The following ASPSCR1 variants were observed in gnomAD, a reference collection of about 807,000 sequenced individuals.
ASPSCR1 encodes tether containing UBX domain for GLUT4.
ASPSCR1 carries 55 observed loss-of-function variants against 68.9 expected under a neutral mutation model. That is an observed-to-expected ratio of 0.80 (90% CI 0.64 to 1.00). The LOEUF is 1.00. Among genes scored for constraint, ASPSCR1 ranks in the 50% least tolerant of loss-of-function variants. ASPSCR1 has a pLI of 0.00. For synonymous variants in ASPSCR1, 352 were observed against 332.6 expected, an observed-to-expected ratio of 1.06 and a Z score of -0.63; for missense variants, 765 against 762.2, an observed-to-expected ratio of 1.00 and a Z score of -0.04.
At chr17:82,010,445 C>T (rs553677995) in intron 9 of ASPSCR1, among the ~76,000 whole-genome samples, 9 of 148,234 alleles carry the variant, frequency 6.1e-5, no homozygotes, top group Admixed American at 1.4e-4. Context: ...AGGAGAAAGG[C>T]GTGAACCCGG....
chr17:81,985,134 A>G (rs557144606), intron 3 of ASPSCR1, among the ~76,000 whole-genome samples: 7 of 142,806 alleles, frequency 4.9e-5, no homozygotes, highest in African/African-American at 1.8e-4. Flanking sequence ...ACATGCACAC[A>G]CACGCACATC....
rs74002715 is a variant in ASPSCR1, at chr17:81,987,217, C to T, written c.374+1610C>T. On this transcript the variant is annotated intron_variant, in intron 4 of 15. Transcript: ENST00000306739. The surrounding 1 kb of genome is among the most constrained non-coding windows in gnomAD (Gnocchi z 5.6). ...GAGATGACGGAGCCTGAGAGCAAAG[C>T]GAAGCCACGGGCAGGGGTGAGCGGG... Among the ~76,000 whole-genome samples the T allele has an allele frequency of 0.058, 8,566 of 148,280 alleles. 472 individuals carry two copies. The highest frequency in any genetic ancestry group is 0.13 in the South Asian group (588 of 4,550).
intron 2 of ASPSCR1, among the ~76,000 whole-genome samples, chr17:81,982,220 G>A (rs912450338): frequency 6.6e-6 from 1 of 152,058 alleles, no homozygotes; most frequent in African/African-American, 2.4e-5. Context: ...CTGCCCGTCT[G>A]GGCCTCCCAA....
At chr17:81,988,496 C>T (rs996874900) in intron 4 of ASPSCR1, among the ~76,000 whole-genome samples, 2 of 151,282 alleles carry the variant, frequency 1.3e-5, no homozygotes, top group African/African-American at 2.4e-5. Flanking sequence ...GCAGCTCTTT[C>T]GAGACACCAG....
intron 2 of ASPSCR1, among the ~76,000 whole-genome samples, chr17:81,979,486 T>C (rs965630349): frequency 5.3e-5 from 8 of 152,222 alleles, no homozygotes; most frequent in African/African-American, 1.7e-4. Flanking sequence ...CATTGCTCTC[T>C]GCCTCCGATT....
chr17:81,998,202 C>T (rs567110652), intron 7 of ASPSCR1, among the ~76,000 whole-genome samples: 1 of 152,292 alleles, frequency 6.6e-6, no homozygotes, highest in East Asian at 1.9e-4. Context: ...AATTCCTGGG[C>T]TCAAGCGATC....
chr17:81,980,576 C>G (rs1281674010), intron 2 of ASPSCR1, among the ~76,000 whole-genome samples: 1 of 152,200 alleles, frequency 6.6e-6, no homozygotes, highest in African/African-American at 2.4e-5. Flanking sequence ...GAAAGGAGGG[C>G]TTTATTTCTC....
intron 7 of ASPSCR1, chr17:82,006,593 A>AC: frequency 6.6e-6 from 1 of 151,960 alleles, no homozygotes; most frequent in East Asian, 1.9e-4. Flanking sequence ...AGGACGCCTC[A>AC]CCCCCGGTTG....
chr17:81,985,167 C>G (rs1334060358), intron 3 of ASPSCR1, among the ~76,000 whole-genome samples: 1 of 151,470 alleles, frequency 6.6e-6, no homozygotes, highest in Non-Finnish European at 1.5e-5. Flanking sequence ...CGCACACCTG[C>G]ACACACCCAC....
intron 12 of ASPSCR1, chr17:82,016,223 G>A (rs1216875796): frequency 1.8e-5 from 10 of 548,016 alleles, no homozygotes; most frequent in Admixed American, 6.2e-5. Flanking sequence ...GAGGACCCTC[G>A]AGGCCCCAGC....
chr17:82,015,064 T>C (rs762319828), intron 12 of ASPSCR1: 5 of 1,594,496 alleles, frequency 3.1e-6, no homozygotes, highest in Non-Finnish European at 3.4e-6. Context: ...TGACCCACTT[T>C]CCCTTTCCAG....
intron 7 of ASPSCR1, among the ~76,000 whole-genome samples, chr17:81,998,430 G>A (rs1037647068): frequency 2.6e-5 from 4 of 152,086 alleles, no homozygotes; most frequent in African/African-American, 2.4e-5. Context: ...GTGTTGCAGC[G>A]AATGGGCCTC....
intron 15 of ASPSCR1, 41 bp downstream of exon 15, chr17:82,017,154 G>A (rs762966859): frequency 1.9e-6 from 3 of 1,564,982 alleles, no homozygotes; most frequent in Admixed American, 1.7e-5. Context: ...GTGGCCGGGT[G>A]GAGGGCGGGG....
intron 7 of ASPSCR1, among the ~76,000 whole-genome samples, chr17:82,000,288 C>T (rs535041735): frequency 3.9e-5 from 6 of 152,240 alleles, no homozygotes; most frequent in South Asian, 2.1e-4. Context: ...AGTGCCCGCC[C>T]GTGCTCGCCC....
intron 11 of ASPSCR1, 119 bp downstream of exon 11, chr17:82,011,724 G>A (rs2042954472): frequency 7.0e-6 from 8 of 1,146,492 alleles, no homozygotes; most frequent in Middle Eastern, 2.4e-4. Context: ...AGCATCTGTG[G>A]CCTCCCGCCC....
In ASPSCR1 at chr17:81,986,068, C is replaced by T. The variant is rs751526833; in HGVS notation, c.374+461C>T. Among the ~76,000 whole-genome samples the T allele has an allele frequency of 2.4e-4, 37 of 152,032 alleles. No individual in the cohort carries two copies. The highest frequency in any genetic ancestry group is 3.8e-4 in the Non-Finnish European group (26 of 68,010). On this transcript the variant is annotated intron_variant, in intron 4 of 15. Coordinates refer to ENST00000306739, the MANE Select transcript of ASPSCR1 (RefSeq NM_024083.4). This position sits in a 1 kb window ranked among gnomAD's most constrained non-coding sequence, Gnocchi z 5.2. ...ATTCTCCCATCTCAGCCTCCCAAAG[C>T]GTTGAGATTACAGGTGTGAGCTCCT...
intron 10 of ASPSCR1, 141 bp from the exon 11 acceptor site, chr17:82,011,402 G>C (rs2042936698): frequency 3.7e-6 from 3 of 801,984 alleles, no homozygotes; most frequent in Non-Finnish European, 5.8e-6. Context: ...CGAGCACCTG[G>C]AGTGCTGTGG....
chr17:82,012,097 A>G, intron 11 of ASPSCR1, 134 bp from the exon 12 acceptor site: 1 of 1,073,598 alleles, frequency 9.3e-7, no homozygotes, highest in Non-Finnish European at 1.4e-6. Context: ...GAGTGTGGGC[A>G]CAGGGCGTGC....
chr17:81,979,030 G>T (rs527786205), intron 1 of ASPSCR1, among the ~76,000 whole-genome samples, 154 bp from the exon 2 acceptor site: 3 of 152,290 alleles, frequency 2.0e-5, no homozygotes, highest in Admixed American at 1.3e-4. Flanking sequence ...TGCATTTGTT[G>T]CGGGGACCGT....
Sources: gnomAD v4.1 joint callset for allele counts (sites outside exome capture counted in the v4.1 genomes callset) on GRCh38, gnomAD v4.1.1 for gene constraint, Gnocchi (gnomAD v3.1) non-coding constraint, MANE v1.5 for transcripts, NCBI Gene and HGNC (gene_info 2026-07-23, HGNC 2026-07-21) for gene names.